Variants in DMD observed in about 807,000 individuals in gnomAD.
The protein encoded by DMD is mutant dystrophin.
DMD carries 63 observed loss-of-function variants against 330.1 expected under a neutral mutation model. The observed-to-expected ratio is 0.19, with a 90% CI of 0.16 to 0.24. The LOEUF (loss-of-function observed/expected upper bound fraction) is 0.24. Among genes scored for constraint, DMD ranks in the 10% least tolerant of loss-of-function variants. DMD has a pLI of 1.00. For missense variants in DMD, 3,344 were observed against 2,684.1 expected (o/e 1.25, Z -5.43); for synonymous variants, 1,223 against 959.8 (o/e 1.27, Z -5.07).
chrX:31,795,930 A>G (rs1167392615), intron 50 of DMD, among the ~76,000 whole-genome samples: 3 of 112,006 alleles, frequency 2.7e-5, no homozygotes, highest in Non-Finnish European at 5.6e-5. Context: ...TATATGTTAA[A>G]GTATAAAGGC....
intron 55 of DMD, among the ~76,000 whole-genome samples, chrX:31,574,725 C>A (rs1361835317): frequency 9.0e-6 from 1 of 111,164 alleles, no homozygotes; most frequent in East Asian, 2.8e-4. Flanking sequence ...TAACTTGCAA[C>A]CCTCTATTTG....
At chrX:31,832,237 C>A (rs1019928743) in intron 49 of DMD, among the ~76,000 whole-genome samples, 38 of 112,150 alleles carry the variant, frequency 3.4e-4, no homozygotes, top group African/African-American at 1.2e-3. Context: ...CAATGAAATA[C>A]CATTTGACCT....
At chrX:32,097,431 C>T (rs2096515811) in intron 44 of DMD, among the ~76,000 whole-genome samples, 1 of 111,279 alleles carries the variant, frequency 9.0e-6, no homozygotes, top group South Asian at 3.8e-4. Flanking sequence ...GACATGAACT[C>T]GTTCTTTTTT....
rs773972730 is a variant in DMD at position 31,870,028 on chromosome X, G to T, written c.7098+5160C>A. Among the ~76,000 whole-genome samples, 15 of 111,671 alleles carry T rather than the reference G, an allele frequency of 1.3e-4. No individual in the cohort carries two copies. The Admixed American group carries it at 1.4e-3, about 11-fold the overall frequency. ...TGATTACTACCAAGTGTCAGAGTTC[G>T]TTCAGCTAGTCCTTCAACAACAGAA... On this transcript the variant is annotated intron_variant, in intron 48 of 78. Coordinates refer to ENST00000357033, the MANE Select transcript of DMD (RefSeq NM_004006.3).
At chrX:32,260,002 C>A (rs1256395525) in intron 43 of DMD, among the ~76,000 whole-genome samples, 2 of 111,157 alleles carry the variant, frequency 1.8e-5, no homozygotes, top group Non-Finnish European at 3.8e-5. Flanking sequence ...TCCTCTGTCC[C>A]AAAATTTTTT....
chrX:31,378,739 T>C (rs1021459227), intron 60 of DMD, among the ~76,000 whole-genome samples: 2 of 109,276 alleles, frequency 1.8e-5, no homozygotes, highest in Non-Finnish European at 3.8e-5. Flanking sequence ...CTCTACTCCC[T>C]TTTCTCTGGG....
intron 48 of DMD, among the ~76,000 whole-genome samples, chrX:31,872,410 A>G (rs1020399016): frequency 1.1e-4 from 12 of 111,555 alleles, no homozygotes; most frequent in African/African-American, 3.9e-4. Flanking sequence ...GCCATAGACA[A>G]TCGAAGACAC....
chrX:32,770,544 G>A (rs1448212064), intron 7 of DMD, among the ~76,000 whole-genome samples: 2 of 111,136 alleles, frequency 1.8e-5, no homozygotes, highest in African/African-American at 6.5e-5. Context: ...GTATTTGAGG[G>A]CGCTAATTTT....
At chrX:33,067,569 G>A (rs374348714) in intron 1 of DMD, among the ~76,000 whole-genome samples, 9 of 112,345 alleles carry the variant, frequency 8.0e-5, no homozygotes, top group Non-Finnish European at 1.1e-4. Flanking sequence ...GGCCAGGAGC[G>A]GTGGCTCACG....
In DMD at chrX:31,580,010, A is replaced by G. The variant is rs2076270470; in HGVS notation, c.8217+47663T>C. 3.6e-5 allele frequency among the ~76,000 whole-genome samples: 4 copies of G among 111,872 alleles called. No individual in the cohort carries two copies. In the South Asian group the frequency reaches 1.5e-3, roughly 42 times the overall value. On this transcript the variant is annotated intron_variant, in intron 55 of 78. Coordinates refer to ENST00000357033, the MANE Select transcript of DMD (RefSeq NM_004006.3). Reference sequence around the variant, plus strand: ...TCTATCTTCAAAGCCAGCAGGGGCTATCTTCATCTCTCTGACTCCCACTCT... The same window carrying G: ...TCTATCTTCAAAGCCAGCAGGGGCTGTCTTCATCTCTCTGACTCCCACTCT...
intron 41 of DMD, among the ~76,000 whole-genome samples, chrX:32,312,500 C>G (rs138204984): frequency 9.0e-6 from 1 of 110,692 alleles, no homozygotes; most frequent in Admixed American, 9.7e-5. Context: ...GAAAAAGACA[C>G]TCAAAATATA....
chrX:31,486,956 T>C (rs1263931089), intron 57 of DMD, among the ~76,000 whole-genome samples: 2 of 111,993 alleles, frequency 1.8e-5, no homozygotes, highest in Non-Finnish European at 3.8e-5. Flanking sequence ...GGACAAGCAA[T>C]GCTCAGTTAA....
intron 48 of DMD, among the ~76,000 whole-genome samples, chrX:31,861,946 T>TAC (rs60169449): frequency 0.15 from 13,535 of 87,767 alleles, 1,088 homozygotes; most frequent in Admixed American, 0.35. Context: ...GAAAATAATA[T>TAC]ACACACACAC....
chrX:32,433,539 G>A (rs908653756), intron 29 of DMD, among the ~76,000 whole-genome samples: 2 of 111,650 alleles, frequency 1.8e-5, no homozygotes, highest in Admixed American at 1.9e-4. Context: ...TTAGCCTGGC[G>A]TAGTGGCATG....
chrX:31,418,031 TAA>T (rs59690085), intron 60 of DMD, among the ~76,000 whole-genome samples: 13 of 90,305 alleles, frequency 1.4e-4, no homozygotes, highest in Non-Finnish European at 1.6e-4. Flanking sequence ...TGTAGAAAAT[TAA>T]AAAAAAAAAA....
At chrX:32,773,085 C>T (rs1383190208) in intron 7 of DMD, among the ~76,000 whole-genome samples, 1 of 111,741 alleles carries the variant, frequency 8.9e-6, no homozygotes, top group Non-Finnish European at 1.9e-5. Context: ...GAAGGTGGTG[C>T]TTACCCTTTC....
intron 7 of DMD, among the ~76,000 whole-genome samples, chrX:32,735,776 TA>T (rs2068379060): frequency 1.8e-5 from 2 of 111,780 alleles, no homozygotes; most frequent in African/African-American, 6.5e-5. Context: ...CAACATGGAT[TA>T]AAAACTTAAA....
chrX:32,398,672 AATAG>A lies in DMD; in HGVS notation c.4234-8495_4234-8492del, dbSNP rs201938302. On this transcript the variant is annotated intron_variant, in intron 30 of 78. Transcript: ENST00000357033. ...GCTTAGTCATAATAACGACAACGAT[AATAG>A]AAGAGTTCATTATAATAATGTATTT... Among the ~76,000 whole-genome samples the A allele has an allele frequency of 1.2e-3, 130 of 111,594 alleles. 3 individuals are homozygous for A. In the East Asian group the frequency reaches 0.034, roughly 29 times the overall value.
intron 7 of DMD, among the ~76,000 whole-genome samples, chrX:32,707,854 GT>G (rs1428489853): frequency 8.9e-6 from 1 of 111,740 alleles, no homozygotes; most frequent in Non-Finnish European, 1.9e-5. Flanking sequence ...CGACATGCCT[GT>G]TGTGGGAAGA....
Sources: allele counts gnomAD v4.1 joint callset (sites outside exome capture counted in the v4.1 genomes callset), GRCh38; gene constraint gnomAD v4.1.1; transcripts MANE v1.5; gene names NCBI Gene and HGNC (gene_info 2026-07-23, HGNC 2026-07-21).